Variants in MARCHF11 observed in about 807,000 individuals in gnomAD.
MARCHF11 encodes the protein membrane associated ring-CH-type finger 11, also known as E3 ubiquitin-protein ligase MARCHF11.
MARCHF11 carries 29 observed loss-of-function variants against 37.3 expected under a neutral mutation model. The ratio of observed to expected loss-of-function variants is 0.78; its 90% CI spans 0.58 to 1.06. The LOEUF (loss-of-function observed/expected upper bound fraction) is 1.06. Among genes scored for constraint, MARCHF11 ranks in the 50% least tolerant of loss-of-function variants. MARCHF11 has a pLI of 0.00. For synonymous variants in MARCHF11, 233 were observed against 228.0 expected (o/e 1.02, Z -0.20); for missense variants, 482 against 533.4 (o/e 0.90, Z 0.95).
intron 2 of MARCHF11, among the ~76,000 whole-genome samples, chr5:16,134,685 A>T (rs982867862): frequency 9.9e-5 from 15 of 152,208 alleles, no homozygotes; most frequent in Non-Finnish European, 1.8e-4. Flanking sequence ...TGAAATAGTT[A>T]TAAATAAGGA....
intron 2 of MARCHF11, among the ~76,000 whole-genome samples, chr5:16,168,697 C>T (rs1738209637): frequency 6.6e-6 from 1 of 152,030 alleles, no homozygotes; most frequent in African/African-American, 2.4e-5. Context: ...TCACTGGAAA[C>T]CTCCCACCTA....
intron 3 of MARCHF11, among the ~76,000 whole-genome samples, chr5:16,084,756 GT>G (rs35564919): frequency 0.054 from 7,110 of 130,620 alleles, 228 homozygotes; most frequent in African/African-American, 0.13. Flanking sequence ...AGAAGGAGCA[GT>G]TTTTTTTTTT....
At chr5:16,112,133 G>A (rs1172370919) in intron 2 of MARCHF11, among the ~76,000 whole-genome samples, 2 of 152,218 alleles carry the variant, frequency 1.3e-5, no homozygotes, top group African/African-American at 4.8e-5. Flanking sequence ...GAAATGTGGG[G>A]TGTGAGCCCC....
chr5:16,140,681 C>G (rs1032221011), intron 2 of MARCHF11, among the ~76,000 whole-genome samples: 1 of 152,162 alleles, frequency 6.6e-6, no homozygotes, highest in Non-Finnish European at 1.5e-5. Context: ...ACTTCCCTTA[C>G]GTTCTCAACA....
At chr5:16,135,926 T>TA (rs5866172) in intron 2 of MARCHF11, among the ~76,000 whole-genome samples, 6,486 of 102,882 alleles carry the variant, frequency 0.063, 369 homozygotes, top group African/African-American at 0.19. Flanking sequence ...GAGAAAGAAA[T>TA]AAAAAAAAGG....
At chr5:16,124,296 G>A (rs1489759743) in intron 2 of MARCHF11, among the ~76,000 whole-genome samples, 1 of 152,184 alleles carries the variant, frequency 6.6e-6, no homozygotes, top group Non-Finnish European at 1.5e-5. Flanking sequence ...TGACTCACAG[G>A]AGGGACTATT....
In MARCHF11 at chr5:16,179,354, C is replaced by G. The variant is rs926015607; in HGVS notation, c.222G>C (p.Pro74=). ...GCAGCTCGTCCGCTCCCCTGCACCG[C>G]GGGGCCACCTCCCCTAGCGGCTCGC... ...GPSEPLGEVA[P]RCRGADELPP... The change falls in exon 1 of 4, where the codon CCG becomes CCC. Residue 74 remains proline (P), a synonymous_variant. Transcript: ENST00000332432. The G allele has an allele frequency of 8.4e-7, 1 of 1,183,990 alleles. No individual in the cohort carries two copies. Among genetic ancestry groups the G allele is most frequent in the Non-Finnish European group, 1.0e-6 (1 of 957,852 alleles). 73.3% of individuals were successfully genotyped at this position (1,183,990 alleles called of 1,614,324 possible). A position where few individuals can be genotyped will look rare whatever the true frequency, so the allele number is the denominator to read the frequency against.
intron 2 of MARCHF11, among the ~76,000 whole-genome samples, chr5:16,098,734 C>G (rs763699314): frequency 1.5e-4 from 22 of 149,688 alleles, no homozygotes; most frequent in Non-Finnish European, 3.2e-4. Context: ...TGCCACAACA[C>G]TCCAGCCTGA....
chr5:16,116,185 C>T (rs545246766), intron 2 of MARCHF11, among the ~76,000 whole-genome samples: 5 of 152,284 alleles, frequency 3.3e-5, no homozygotes, highest in Admixed American at 3.3e-4. Flanking sequence ...AACTTATTAA[C>T]AGTATCCTCA....
At chr5:16,133,808 A>AC (rs1737561955) in intron 2 of MARCHF11, among the ~76,000 whole-genome samples, 1 of 152,110 alleles carries the variant, frequency 6.6e-6, no homozygotes. Flanking sequence ...GAGCTTTAAA[A>AC]AAAAAATCTC....
intron 2 of MARCHF11, among the ~76,000 whole-genome samples, chr5:16,092,616 G>T (rs1736805694): frequency 6.6e-6 from 1 of 152,234 alleles, no homozygotes; most frequent in South Asian, 2.1e-4. Flanking sequence ...AGAGCATTAG[G>T]ACAAATACCT....
intron 2 of MARCHF11, among the ~76,000 whole-genome samples, chr5:16,128,998 C>T (rs1472727173): frequency 2.0e-5 from 3 of 152,174 alleles, no homozygotes; most frequent in Non-Finnish European, 4.4e-5. Flanking sequence ...CATATGGCCA[C>T]ATCCTTTTCA....
At chr5:16,089,216 G>A (rs183577325) in intron 3 of MARCHF11, among the ~76,000 whole-genome samples, 174 of 151,978 alleles carry the variant, frequency 1.1e-3, no homozygotes, top group African/African-American at 4.0e-3. Context: ...GAGCTAACTG[G>A]CTCTTTTATT....
chr5:16,109,828 G>T (rs76066229), intron 2 of MARCHF11, among the ~76,000 whole-genome samples: 5,410 of 152,236 alleles, frequency 0.036, 145 homozygotes, highest in Non-Finnish European at 0.053. Flanking sequence ...TTGTGCACAC[G>T]GAATTGAAGA....
chr5:16,076,326 G>A (rs1308857829), intron 3 of MARCHF11, among the ~76,000 whole-genome samples: 2 of 151,932 alleles, frequency 1.3e-5, no homozygotes, highest in African/African-American at 2.4e-5. Flanking sequence ...AGAATTCACA[G>A]GAGAGAAAAA....
intron 1 of MARCHF11, among the ~76,000 whole-genome samples, chr5:16,178,783 T>C (rs1579430926): frequency 6.6e-6 from 1 of 152,284 alleles, no homozygotes; most frequent in African/African-American, 2.4e-5. Context: ...CTGAGGAACA[T>C]GTAGCTCCTA....
At chr5:16,078,717 AG>A (rs1465355540) in intron 3 of MARCHF11, among the ~76,000 whole-genome samples, 1 of 152,182 alleles carries the variant, frequency 6.6e-6, no homozygotes, top group East Asian at 1.9e-4. Context: ...GGCCTTCCCC[AG>A]TGAGGGATGG....
chr5:16,078,891 A>G (rs951333361), intron 3 of MARCHF11, among the ~76,000 whole-genome samples: 3 of 152,154 alleles, frequency 2.0e-5, no homozygotes, highest in Non-Finnish European at 4.4e-5. Context: ...GAGGCTATGC[A>G]GTTGCTCCTG....
intron 2 of MARCHF11, among the ~76,000 whole-genome samples, chr5:16,094,690 C>A (rs1736838248): frequency 6.6e-6 from 1 of 152,122 alleles, no homozygotes; most frequent in Non-Finnish European, 1.5e-5. Context: ...AAGCTGTTTA[C>A]TTCTACAAAA....
Sources: gnomAD v4.1 joint callset for allele counts (sites outside exome capture counted in the v4.1 genomes callset) on GRCh38, gnomAD v4.1.1 for gene constraint, MANE v1.5 for transcripts, NCBI Gene and HGNC (gene_info 2026-07-23, HGNC 2026-07-21) for gene names.